The following MAGI2 variants were observed in gnomAD, a reference collection of about 807,000 sequenced individuals.
The protein encoded by MAGI2 is membrane associated guanylate kinase, WW and PDZ domain containing 2.
Under a neutral mutation model 133.3 loss-of-function variants are expected in MAGI2, and 35 were observed. The ratio of observed to expected loss-of-function variants is 0.26; its 90% CI spans 0.20 to 0.35. MAGI2 has a LOEUF of 0.35. Ranked by LOEUF, MAGI2 falls within the 10% of genes least tolerant of loss-of-function variation. The probability of loss-of-function intolerance (pLI) is 1.00; values close to 1 mark genes in which losing one functional copy is unlikely to be tolerated. For synonymous variants in MAGI2, 729 were observed against 710.6 expected (o/e 1.03, Z -0.41); for missense variants, 1,636 against 1,863.4 (o/e 0.88, Z 2.25).
chr7:79,381,774 T>C (rs925976355), intron 1 of MAGI2, among the ~76,000 whole-genome samples: 2 of 151,788 alleles, frequency 1.3e-5, no homozygotes, highest in Non-Finnish European at 3.0e-5. Context: ...GTGTGCTCAA[T>C]AGAAACATAA....
At chr7:78,569,624 A>T (rs946180597) in intron 3 of MAGI2, among the ~76,000 whole-genome samples, 2 of 152,240 alleles carry the variant, frequency 1.3e-5, no homozygotes, top group South Asian at 2.1e-4. Flanking sequence ...CAACAGTAAT[A>T]TTTAAAAAAA....
At chr7:78,292,242 A>C (rs1796793647) in intron 9 of MAGI2, among the ~76,000 whole-genome samples, 2 of 152,248 alleles carry the variant, frequency 1.3e-5, no homozygotes, top group Non-Finnish European at 2.9e-5. Flanking sequence ...AAGTCTCAGG[A>C]TACAAAATCA....
At chr7:79,159,037 C>CA (rs1223818734) in intron 1 of MAGI2, among the ~76,000 whole-genome samples, 2 of 151,180 alleles carry the variant, frequency 1.3e-5, no homozygotes, top group African/African-American at 4.9e-5. Flanking sequence ...TTAAAAGGAA[C>CA]CAGGAAATAA....
At position 78,019,987 on chromosome 7, in the gene MAGI2, G is replaced by A; in HGVS notation, c.3707-11C>T. On this transcript the variant is annotated splice_polypyrimidine_tract_variant and intron_variant, in intron 21 of 21. Coordinates refer to ENST00000354212, the MANE Select transcript of MAGI2 (RefSeq NM_012301.4). Reference sequence around the variant, plus strand: ...AGGGGGCGGGTTCGTCTGTGGACGGGAAGCACAGGCGTTAGCAGTGGCGCA... The same window carrying A: ...AGGGGGCGGGTTCGTCTGTGGACGGAAAGCACAGGCGTTAGCAGTGGCGCA... 2 of 1,597,728 alleles carry A rather than the reference G, an allele frequency of 1.3e-6. No homozygotes were observed. The highest frequency in any genetic ancestry group is 2.2e-5 in the South Asian group (2 of 89,118).
rs538030635 is a variant in MAGI2, at chr7:79,300,584, T to C, written c.301+152436A>G. Among the ~76,000 whole-genome samples the C allele has an allele frequency of 2.0e-4, 30 of 152,292 alleles. No homozygotes were observed. In the South Asian group the frequency reaches 4.8e-3, roughly 24 times the overall value. On this transcript the variant is annotated intron_variant, in intron 1 of 21. Coordinates refer to ENST00000354212, the MANE Select transcript of MAGI2 (RefSeq NM_012301.4). Reference sequence around the variant, plus strand: ...AATTTGAAATTTATATTTAAAAGGATAGCAGAGCATAAAAATTGGGAAAAT... The same window carrying C: ...AATTTGAAATTTATATTTAAAAGGACAGCAGAGCATAAAAATTGGGAAAAT...
chr7:78,617,194 A>G (rs1235912633), intron 3 of MAGI2: 1 of 152,142 alleles, frequency 6.6e-6, no homozygotes, highest in Non-Finnish European at 1.5e-5. Context: ...GACAAATTCA[A>G]GATCCTGTGT....
chr7:79,122,902 G>A (rs189180929), intron 1 of MAGI2, among the ~76,000 whole-genome samples: 1 of 152,158 alleles, frequency 6.6e-6, no homozygotes, highest in Non-Finnish European at 1.5e-5. Flanking sequence ...ATGTTGGCCA[G>A]GCTGGTTTTG....
intron 6 of MAGI2, among the ~76,000 whole-genome samples, chr7:78,470,570 A>G (rs758263652): frequency 1.3e-5 from 2 of 152,168 alleles, no homozygotes; most frequent in South Asian, 2.1e-4. Context: ...CTGATGTAAC[A>G]TAATTAATGC....
intron 2 of MAGI2, among the ~76,000 whole-genome samples, chr7:78,685,899 T>A (rs1325937094): frequency 6.6e-6 from 1 of 151,910 alleles, no homozygotes; most frequent in Non-Finnish European, 1.5e-5. Flanking sequence ...TATTAGTACT[T>A]ACGTTCAAAA....
chr7:78,383,223 C>T (rs1795085668), intron 6 of MAGI2, among the ~76,000 whole-genome samples: 1 of 152,070 alleles, frequency 6.6e-6, no homozygotes, highest in African/African-American at 2.4e-5. Flanking sequence ...AATTACATTG[C>T]CACCAACAGT....
At chr7:78,823,559 G>C (rs375770919) in intron 2 of MAGI2, among the ~76,000 whole-genome samples, 14 of 140,916 alleles carry the variant, frequency 9.9e-5, no homozygotes, top group Admixed American at 9.0e-4. Context: ...CTCCAGCCTG[G>C]GTGACAGCGA....
At chr7:79,283,737 T>C (rs554159502) in intron 1 of MAGI2, among the ~76,000 whole-genome samples, 2 of 152,256 alleles carry the variant, frequency 1.3e-5, no homozygotes, top group East Asian at 3.9e-4. Context: ...CACTTCTTAT[T>C]ATCTATTAAT....
intron 16 of MAGI2, among the ~76,000 whole-genome samples, chr7:78,157,514 T>C (rs939940651): frequency 6.7e-6 from 1 of 149,292 alleles, no homozygotes; most frequent in Non-Finnish European, 1.5e-5. Flanking sequence ...AGTGCACATG[T>C]ACACATACAT....
At chr7:78,216,271 A>G (rs1338903369) in intron 10 of MAGI2, among the ~76,000 whole-genome samples, 1 of 152,226 alleles carries the variant, frequency 6.6e-6, no homozygotes, top group Non-Finnish European at 1.5e-5. Flanking sequence ...CCCATGCTGC[A>G]TCTGAGTAAT....
chr7:78,953,656 CCT>C (rs1464934529), intron 2 of MAGI2, among the ~76,000 whole-genome samples: 1 of 152,074 alleles, frequency 6.6e-6, no homozygotes, highest in Non-Finnish European at 1.5e-5. Context: ...AAGATTTTCT[CCT>C]CTGTCTTTGC....
At chr7:78,498,336 C>T (rs1252038003) in intron 5 of MAGI2, among the ~76,000 whole-genome samples, 3 of 152,124 alleles carry the variant, frequency 2.0e-5, no homozygotes, top group African/African-American at 7.2e-5. Flanking sequence ...AACCATGCTC[C>T]CTCCCCAATC....
chr7:78,575,781 T>TTATTTATTC (rs1229746383), intron 3 of MAGI2, among the ~76,000 whole-genome samples: 19 of 152,040 alleles, frequency 1.2e-4, no homozygotes, highest in Admixed American at 1.2e-3. Flanking sequence ...AAATTGTGAG[T>TTATTTATTC]CACCAAAAAT....
intron 1 of MAGI2, among the ~76,000 whole-genome samples, chr7:79,426,372 A>G (rs1355528150): frequency 6.6e-6 from 1 of 152,066 alleles, no homozygotes; most frequent in Non-Finnish European, 1.5e-5. Flanking sequence ...ATTTTCATCA[A>G]AGAACTTCTC....
chr7:79,126,781 G>T lies in MAGI2; in HGVS notation c.302-119575C>A, dbSNP rs969156769. Among the ~76,000 whole-genome samples the T allele has an allele frequency of 1.4e-4, 21 of 151,424 alleles. No homozygotes were observed. In the South Asian group the frequency reaches 4.4e-3, roughly 32 times the overall value. The stretch of plus-strand genomic sequence containing the variant: ...TCCCCCAGACTTTTTTTTAAAAAAT[G>T]TTTTGTACATATTAAATAATTTATT... On this transcript the variant is annotated intron_variant, in intron 1 of 21. Coordinates refer to ENST00000354212, the MANE Select transcript of MAGI2 (RefSeq NM_012301.4).
Sources: gnomAD v4.1 joint callset for allele counts (sites outside exome capture counted in the v4.1 genomes callset) on GRCh38, gnomAD v4.1.1 for gene constraint, MANE v1.5 for transcripts, NCBI Gene and HGNC (gene_info 2026-07-23, HGNC 2026-07-21) for gene names.